TANGO6: variants seen among roughly 807,000 people sequenced by gnomAD.
TANGO6 encodes the protein transport and Golgi organization protein 6 homolog.
TANGO6 carries 90 observed loss-of-function variants against 114.2 expected under a neutral mutation model. That is an observed-to-expected ratio of 0.79 (90% CI 0.66 to 0.94). The LOEUF (loss-of-function observed/expected upper bound fraction) is 0.94. TANGO6 is among the 40% of genes least tolerant of loss of function. The pLI is 0.00. For synonymous variants in TANGO6, 477 were observed against 509.8 expected (o/e 0.94, Z 0.87); for missense variants, 1,274 against 1,315.3 (o/e 0.97, Z 0.49).
intron 1 of TANGO6, among the ~76,000 whole-genome samples, chr16:68,850,114 C>T (rs1436651388): frequency 6.6e-6 from 1 of 151,800 alleles, no homozygotes; most frequent in Non-Finnish European, 1.5e-5. Flanking sequence ...GCTGGGACTA[C>T]AGGCATGTGC....
intron 4 of TANGO6, among the ~76,000 whole-genome samples, chr16:68,869,894 A>G (rs939737924): frequency 6.6e-6 from 1 of 152,204 alleles, no homozygotes; most frequent in African/African-American, 2.4e-5. Context: ...TGGGTAGAGT[A>G]GTGAGGGCAG....
chr16:69,023,074 C>G (rs762542050), intron 16 of TANGO6, 95 bp downstream of exon 16: 216 of 1,315,356 alleles, frequency 1.6e-4, no homozygotes, highest in Non-Finnish European at 2.1e-4. Context: ...GCTCTTTTTG[C>G]AGATCTGCCA....
At chr16:68,875,062 C>T in intron 4 of TANGO6, 92 bp from the exon 5 acceptor site, 6 of 1,355,150 alleles carry the variant, frequency 4.4e-6, no homozygotes, top group Non-Finnish European at 6.0e-6. Flanking sequence ...AAGATAAATG[C>T]ATTTTACCTT....
chr16:68,927,751 G>T lies in TANGO6; in HGVS notation c.2311G>T (p.Asp771Tyr). The change falls in exon 13 of 18, where the codon GAT becomes TAT. Residue 771 changes from aspartate to tyrosine, a missense_variant. By Grantham distance (160) the Asp-to-Tyr change is radical. This residue lies in a region of TANGO6 where 908 missense variants were observed against 910.2 expected (regional missense o/e 1.00). Coordinates refer to ENST00000261778, the MANE Select transcript of TANGO6 (RefSeq NM_024562.2). ...MAAQSTLNRK[D>Y]LEGKIEEQQQ... Reference sequence around the variant, plus strand: ...TGCCCAAAGTACACTGAACAGAAAAGATCTGGAAGGGAAAATAGAAGAGCA... The same window carrying T: ...TGCCCAAAGTACACTGAACAGAAAATATCTGGAAGGGAAAATAGAAGAGCA... 1 of 1,613,858 alleles carries T rather than the reference G, an allele frequency of 6.2e-7. No homozygotes were observed. The highest frequency in any genetic ancestry group is 1.1e-5 in the South Asian group (1 of 91,084).
At chr16:68,895,372 A>C (rs1350717676) in intron 7 of TANGO6, among the ~76,000 whole-genome samples, 2 of 152,146 alleles carry the variant, frequency 1.3e-5, no homozygotes, top group Non-Finnish European at 2.9e-5. Context: ...ATAAAATAAA[A>C]AAATAAAAGC....
chr16:69,035,838 G>A (rs1959676606), intron 16 of TANGO6: 1 of 152,228 alleles, frequency 6.6e-6, no homozygotes, highest in South Asian at 2.1e-4. Context: ...ATCATTTGAG[G>A]TCAGGAGTTT....
chr16:68,968,217 C>T (rs1389966094), intron 14 of TANGO6, among the ~76,000 whole-genome samples: 15 of 151,434 alleles, frequency 9.9e-5, no homozygotes, highest in Non-Finnish European at 1.2e-4. Context: ...AGGCGCACGC[C>T]ACCACGCCCA....
At chr16:69,014,749 G>A (rs746797396) in intron 15 of TANGO6, among the ~76,000 whole-genome samples, 46 of 151,888 alleles carry the variant, frequency 3.0e-4, no homozygotes, top group Non-Finnish European at 5.6e-4. Context: ...ATTGTAACCA[G>A]CTGGGCATGG....
At chr16:69,010,525 C>T (rs1331092361) in intron 15 of TANGO6, among the ~76,000 whole-genome samples, 1 of 152,044 alleles carries the variant, frequency 6.6e-6, no homozygotes, top group Admixed American at 6.6e-5. Flanking sequence ...CTAAATATAC[C>T]ATATATTTTG....
intron 9 of TANGO6, among the ~76,000 whole-genome samples, chr16:68,907,157 C>G (rs1191837714): frequency 7.0e-6 from 1 of 143,414 alleles, no homozygotes; most frequent in African/African-American, 2.6e-5. Context: ...TTGTGTTAGC[C>G]AGGATGGTTT....
At chr16:68,956,447 C>T (rs538962297) in intron 14 of TANGO6, among the ~76,000 whole-genome samples, 3 of 152,256 alleles carry the variant, frequency 2.0e-5, no homozygotes, top group South Asian at 2.1e-4. Flanking sequence ...AGCTTAGACC[C>T]GCTAAGGAAT....
At chr16:69,027,855 A>G (rs1008058116) in intron 16 of TANGO6, among the ~76,000 whole-genome samples, 1 of 151,308 alleles carries the variant, frequency 6.6e-6, no homozygotes, top group African/African-American at 2.4e-5. Flanking sequence ...ATCTCGGATC[A>G]CTGCAACCTC....
intron 3 of TANGO6, among the ~76,000 whole-genome samples, chr16:68,863,718 G>A (rs1962135098): frequency 6.6e-6 from 1 of 152,114 alleles, no homozygotes; most frequent in South Asian, 2.1e-4. Flanking sequence ...CATTCTTTTA[G>A]CACAACTATC....
At chr16:69,023,314 G>A (rs956006722) in intron 16 of TANGO6, among the ~76,000 whole-genome samples, 1 of 151,962 alleles carries the variant, frequency 6.6e-6, no homozygotes, top group South Asian at 2.1e-4. Context: ...AAATCAGCTG[G>A]GCGTGGTGGT....
intron 12 of TANGO6, among the ~76,000 whole-genome samples, chr16:68,922,676 G>C (rs1475302309): frequency 6.6e-6 from 1 of 152,106 alleles, no homozygotes; most frequent in African/African-American, 2.4e-5. Context: ...GTCCCCTCAA[G>C]AAGCAGTTTC....
At chr16:69,010,036 T>C (rs1168746317) in intron 15 of TANGO6, among the ~76,000 whole-genome samples, 1 of 152,208 alleles carries the variant, frequency 6.6e-6, no homozygotes, top group Non-Finnish European at 1.5e-5. Flanking sequence ...GAGAAAGACT[T>C]TCTCTTGCCA....
chr16:69,014,809 T>C, intron 15 of TANGO6, among the ~76,000 whole-genome samples: 2 of 150,446 alleles, frequency 1.3e-5, no homozygotes, highest in East Asian at 3.9e-4. Flanking sequence ...AGCAAGAGGA[T>C]CTCTTGAGCC....
intron 14 of TANGO6, among the ~76,000 whole-genome samples, chr16:68,955,430 G>A (rs549418454): frequency 6.6e-6 from 1 of 152,178 alleles, no homozygotes; most frequent in Non-Finnish European, 1.5e-5. Context: ...CAAGGAAAAT[G>A]ACAGCTCATA....
rs115440522 is a variant in TANGO6, at chr16:68,920,532, G to A, written c.2127+1313G>A. 2.9e-3 allele frequency among the ~76,000 whole-genome samples: 447 copies of A among 152,276 alleles called. 2 individuals carry two copies. The highest frequency in any genetic ancestry group is 0.01 in the African/African-American group (425 of 41,536). ...ACATACCGAGTTAGGTGAGGAGTCT[G>A]CAGGAAAGCAGAATAGGCTTAGTGT... On this transcript the variant is annotated intron_variant, in intron 12 of 17. Transcript: ENST00000261778.
Sources: gnomAD v4.1 joint callset for allele counts (sites outside exome capture counted in the v4.1 genomes callset) on GRCh38, gnomAD v4.1.1 for gene constraint, gnomAD v4.1.1 regional missense constraint, MANE v1.5 for transcripts, NCBI Gene and HGNC (gene_info 2026-07-23, HGNC 2026-07-21) for gene names.